The following DOCK3 variants were observed in gnomAD, a reference collection of about 807,000 sequenced individuals.
The protein encoded by DOCK3 is dedicator of cytokinesis 3, also known as dedicator of cytokinesis protein 3.
A neutral mutation model predicts 265.6 loss-of-function variants in DOCK3; 60 were observed. The observed-to-expected ratio is 0.23, with a 90% confidence interval of 0.18 to 0.28. The LOEUF is 0.28. Ranked by LOEUF, DOCK3 falls within the 10% of genes least tolerant of loss-of-function variation. The pLI is 1.00. For synonymous variants in DOCK3, 881 were observed against 938.0 expected (o/e 0.94, Z 1.11); for missense variants, 1,981 against 2,594.3 (o/e 0.76, Z 5.14).
At chr3:50,729,349 A>AT (rs1270931396) in intron 1 of DOCK3, among the ~76,000 whole-genome samples, 1 of 103,894 alleles carries the variant, frequency 9.6e-6, no homozygotes, top group Non-Finnish European at 1.9e-5. Context: ...GTTTATTTTT[A>AT]TTTTTATTTT....
intron 3 of DOCK3, among the ~76,000 whole-genome samples, chr3:50,854,986 A>G (rs1486783426): frequency 2.6e-5 from 4 of 151,798 alleles, no homozygotes; most frequent in African/African-American, 9.7e-5. Context: ...TCATTAATCT[A>G]TGTGTCTATT....
At chr3:50,785,594 G>C (rs768941424) in intron 2 of DOCK3, among the ~76,000 whole-genome samples, 3 of 152,200 alleles carry the variant, frequency 2.0e-5, no homozygotes, top group Non-Finnish European at 2.9e-5. Flanking sequence ...TTTAAATTCT[G>C]TTTATGTAGT....
intron 3 of DOCK3, among the ~76,000 whole-genome samples, chr3:50,871,060 AT>A (rs2047407753): frequency 6.6e-6 from 1 of 152,088 alleles, no homozygotes; most frequent in Non-Finnish European, 1.5e-5. Context: ...AGTTTTATAT[AT>A]AATATTCTGT....
At chr3:50,828,269 C>G (rs978100925) in intron 2 of DOCK3, among the ~76,000 whole-genome samples, 1 of 152,016 alleles carries the variant, frequency 6.6e-6, no homozygotes, top group South Asian at 2.1e-4. Flanking sequence ...TAAATTTGTT[C>G]TTTTACCACT....
chr3:50,811,761 T>C (rs2043773570), intron 2 of DOCK3, among the ~76,000 whole-genome samples: 1 of 152,080 alleles, frequency 6.6e-6, no homozygotes, highest in Non-Finnish European at 1.5e-5. Context: ...TAAAAAAGAA[T>C]AGAATAAGAA....
intron 9 of DOCK3, among the ~76,000 whole-genome samples, chr3:51,132,814 C>G (rs780209587): frequency 2.0e-5 from 3 of 152,146 alleles, no homozygotes; most frequent in Non-Finnish European, 4.4e-5. Context: ...GGGGAGGACC[C>G]TGATGAAGCT....
At position 50,779,319 on chromosome 3, in the gene DOCK3, C is replaced by A. The variant is rs115940822; in HGVS notation, c.121+561C>A. On this transcript the variant is annotated intron_variant, in intron 2 of 52. Transcript: ENST00000266037. ...TATAGTCCATTTATTTGTATGTTTC[C>A]GTCTGATTGGCTGGGCATCTTTAGT... Among the ~76,000 whole-genome samples the A allele has an allele frequency of 7.2e-5, 11 of 152,102 alleles. No individual in the cohort carries two copies. In the East Asian group the frequency reaches 2.1e-3, roughly 29 times the overall value.
At chr3:51,047,114 T>C (rs1259371887) in intron 5 of DOCK3, among the ~76,000 whole-genome samples, 1 of 152,096 alleles carries the variant, frequency 6.6e-6, no homozygotes, top group East Asian at 1.9e-4. Context: ...CCAACTTTAT[T>C]ATGCCTCAAG....
intron 23 of DOCK3, among the ~76,000 whole-genome samples, chr3:51,267,014 A>G (rs2108831619): frequency 6.6e-6 from 1 of 152,326 alleles, no homozygotes; most frequent in African/African-American, 2.4e-5. Flanking sequence ...GAAGGATATG[A>G]ACAGACACTT....
At chr3:51,010,431 A>C (rs771339021) in intron 5 of DOCK3, among the ~76,000 whole-genome samples, 7 of 152,026 alleles carry the variant, frequency 4.6e-5, no homozygotes, top group Non-Finnish European at 1.0e-4. Context: ...TCAGAGACTA[A>C]GATTGCAACC....
intron 1 of DOCK3, among the ~76,000 whole-genome samples, chr3:50,778,229 T>C (rs1470645412): frequency 6.6e-6 from 1 of 152,196 alleles, no homozygotes; most frequent in Non-Finnish European, 1.5e-5. Flanking sequence ...TGTTCATTTT[T>C]ATCATGAGAA....
chr3:51,215,270 G>C (rs570663754), intron 14 of DOCK3, among the ~76,000 whole-genome samples: 11 of 152,152 alleles, frequency 7.2e-5, no homozygotes, highest in Non-Finnish European at 1.5e-4. Context: ...ACCACACCTG[G>C]CTAATTTTTG....
rs1553618364 is a variant in DOCK3, at chr3:51,381,029, T to C, written c.5584-21T>C. 2 of 1,563,586 alleles carry C rather than the reference T, an allele frequency of 1.3e-6. No individual in the cohort carries two copies. The highest frequency in any genetic ancestry group is 2.4e-5 in the South Asian group (2 of 83,730). On this transcript the variant is annotated intron_variant, in intron 52 of 52. Transcript: ENST00000266037. The surrounding 1 kb of genome is among the most constrained non-coding windows in gnomAD (Gnocchi z 5.6). ...CTGTCTGGAGAGAGGGATTCTAACATGCCCACCCTTTCCTTCGCAGTCTCC... is the reference window on the plus strand; with the variant it reads ...CTGTCTGGAGAGAGGGATTCTAACACGCCCACCCTTTCCTTCGCAGTCTCC...
chr3:50,842,511 C>G (rs1022953316), intron 3 of DOCK3, among the ~76,000 whole-genome samples: 4 of 152,186 alleles, frequency 2.6e-5, no homozygotes, highest in Admixed American at 1.3e-4. Flanking sequence ...TTTAATGCCT[C>G]CTAGCTGTGG....
chr3:50,829,332 A>G (rs755527174), intron 2 of DOCK3, among the ~76,000 whole-genome samples: 17 of 152,290 alleles, frequency 1.1e-4, no homozygotes, highest in Admixed American at 4.6e-4. Flanking sequence ...CCTAAATGTA[A>G]TGTGGCTCTG....
At position 50,734,602 on chromosome 3, in the gene DOCK3, G is replaced by GT. The variant is rs771129941; in HGVS notation, c.38-44055dup. 8.6e-4 allele frequency among the ~76,000 whole-genome samples: 92 copies of GT among 107,376 alleles called. 8 individuals are homozygous for GT. Among genetic ancestry groups the GT allele is most frequent in the East Asian group, 2.7e-3 (9 of 3,348 alleles). The allele number at this position is 107,376 out of a possible 152,430, so 70.4% of individuals were successfully genotyped here. ...TATTATATTCTTGCTTTTACAGTGA[G>GT]TTTTTTTTTTTTTTTTTTGAGATGG... On this transcript the variant is annotated intron_variant, in intron 1 of 52. Coordinates refer to ENST00000266037, the MANE Select transcript of DOCK3 (RefSeq NM_004947.5).
intron 3 of DOCK3, among the ~76,000 whole-genome samples, chr3:50,869,279 C>T (rs1358624770): frequency 6.7e-6 from 1 of 149,434 alleles, no homozygotes; most frequent in African/African-American, 2.4e-5. Flanking sequence ...CAGCCAAAAC[C>T]AACTCTTTTT....
At chr3:50,769,873 G>T (rs1263473716) in intron 1 of DOCK3, among the ~76,000 whole-genome samples, 1 of 151,692 alleles carries the variant, frequency 6.6e-6, no homozygotes, top group Non-Finnish European at 1.5e-5. Flanking sequence ...GAAATAAAGG[G>T]TGTCTAAATT....
chr3:51,147,931 G>T (rs2085382956), intron 10 of DOCK3, among the ~76,000 whole-genome samples: 1 of 152,132 alleles, frequency 6.6e-6, no homozygotes, highest in African/African-American at 2.4e-5. Flanking sequence ...CTTCCACAAT[G>T]GTTGAACTAG....
Sources: gnomAD v4.1 joint callset for allele counts (sites outside exome capture counted in the v4.1 genomes callset) on GRCh38, gnomAD v4.1.1 for gene constraint, Gnocchi (gnomAD v3.1) non-coding constraint, MANE v1.5 for transcripts, NCBI Gene and HGNC (gene_info 2026-07-23, HGNC 2026-07-21) for gene names.